The following SLC44A1 variants were observed in gnomAD, a reference collection of about 807,000 sequenced individuals.
SLC44A1 encodes the protein solute carrier family 44 member 1.
In SLC44A1, 26 loss-of-function variants were observed where a neutral mutation model predicts 79.3. The ratio of observed to expected loss-of-function variants is 0.33; its 90% CI spans 0.24 to 0.46. The LOEUF (loss-of-function observed/expected upper bound fraction) is 0.46, where lower values mean the gene tolerates loss of function less well. Ranked by LOEUF, SLC44A1 falls within the 20% of genes least tolerant of loss-of-function variation. The probability of loss-of-function intolerance (pLI) is 1.00; values close to 1 mark genes in which losing one functional copy is unlikely to be tolerated. For missense variants in SLC44A1, 688 were observed against 798.1 expected (o/e 0.86, Z 1.66); for synonymous variants, 263 against 286.2 (o/e 0.92, Z 0.82).
At position 105,397,230 on chromosome 9, in the gene SLC44A1, A is replaced by T; in HGVS notation, c.*8174A>T. On this transcript the variant is annotated 3_prime_UTR_variant, in exon 16 of 16. Coordinates refer to ENST00000374720, the MANE Select transcript of SLC44A1 (RefSeq NM_080546.5). ...GAACTAGAAAGAAAAGTGCTGATCT[A>T]ATGCTAAGTTTTCTCTGTGTACTGA... 5.1e-6 allele frequency: 5 copies of T among 985,378 alleles called. No individual in the cohort carries two copies. The highest frequency in any genetic ancestry group is 6.0e-6 in the Non-Finnish European group (5 of 829,902). The allele number at this position is 985,378 out of a possible 1,614,324, so 61.0% of individuals were successfully genotyped here. A position where few individuals can be genotyped will look rare whatever the true frequency, so the allele number is the denominator to read the frequency against.
chr9:105,415,902 T>A (rs1041566274), intron 15 of SLC44A1, among the ~76,000 whole-genome samples: 9 of 144,746 alleles, frequency 6.2e-5, no homozygotes, highest in Admixed American at 5.4e-4. Context: ...CTGAATTTTT[T>A]TTTTTTTTTT....
chr9:105,253,656 T>A (rs528044932), intron 1 of SLC44A1, among the ~76,000 whole-genome samples: 1 of 152,284 alleles, frequency 6.6e-6, no homozygotes, highest in African/African-American at 2.4e-5. Context: ...ATCTCTTGAG[T>A]CTGGGAGGTT....
chr9:105,280,230 C>T (rs1210940003), intron 1 of SLC44A1, among the ~76,000 whole-genome samples: 1 of 152,148 alleles, frequency 6.6e-6, no homozygotes, highest in Admixed American at 6.5e-5. Context: ...CACTGTGTTG[C>T]AGTTTAGCAA....
In SLC44A1 at chr9:105,392,302, A is replaced by G. The variant is rs1190792110; in HGVS notation, c.*3246A>G. The G allele has an allele frequency of 1.0e-6, 1 of 984,632 alleles. No individual in the cohort carries two copies. The highest frequency in any genetic ancestry group is 1.2e-6 in the Non-Finnish European group (1 of 829,378). The allele number at this position is 984,632 out of a possible 1,614,324, so 61.0% of individuals were successfully genotyped here. ...TAGCTTAACTGTATGTTGGTACCCAAACTTTTTCTATAATGGTTAAGGAGG... is the reference window on the plus strand; with the variant it reads ...TAGCTTAACTGTATGTTGGTACCCAGACTTTTTCTATAATGGTTAAGGAGG... On this transcript the variant is annotated 3_prime_UTR_variant, in exon 16 of 16. Coordinates refer to ENST00000374720, the MANE Select transcript of SLC44A1 (RefSeq NM_080546.5).
At chr9:105,436,879 C>A (rs918363576) in intron 15 of SLC44A1, among the ~76,000 whole-genome samples, 19 of 152,138 alleles carry the variant, frequency 1.2e-4, no homozygotes, top group Admixed American at 1.2e-3. Context: ...CTGTTTTAAG[C>A]ACCTGGAGAC....
Position 105,391,747 on chromosome 9 carries a change from A to C in SLC44A1, c.*2691A>C, listed in dbSNP as rs1288039601. ...CGCTCACTGCTTCCATCTTCTGCCC[A>C]AGTGAGAAGAATAGATGAAGAACAG... is the stretch of plus-strand genomic sequence containing the variant. On this transcript the variant is annotated 3_prime_UTR_variant, in exon 16 of 16. Coordinates refer to ENST00000374720, the MANE Select transcript of SLC44A1 (RefSeq NM_080546.5). 1.0e-6 allele frequency: 1 copy of C among 985,220 alleles called. No homozygotes were observed. Among genetic ancestry groups the C allele is most frequent in the African/African-American group, 1.7e-5 (1 of 57,218 alleles). 61.0% of individuals were successfully genotyped at this position (985,220 alleles called of 1,614,324 possible).
intron 2 of SLC44A1, among the ~76,000 whole-genome samples, chr9:105,303,511 T>C (rs7033929): frequency 0.042 from 6,346 of 152,268 alleles, 450 homozygotes; most frequent in African/African-American, 0.14. Context: ...CTGCTTACTA[T>C]GAGCTAGACA....
rs556379347 is a variant in SLC44A1, at chr9:105,416,910, A to G, written c.1951-21371A>G. Among the ~76,000 whole-genome samples the G allele has an allele frequency of 1.0e-3, 152 of 152,358 alleles. 1 individual carries two copies. The highest frequency in any genetic ancestry group is 3.5e-3 in the African/African-American group (144 of 41,574). ...AAACTGAGTCAAAAGGCCTAAGATT[A>G]TATCTATTAATTGAGAATTTCATGC... On this transcript the variant is annotated intron_variant, in intron 15 of 15. Transcript: ENST00000374724.
At chr9:105,414,969 T>G (rs1036294175) in intron 15 of SLC44A1, among the ~76,000 whole-genome samples, 10 of 151,696 alleles carry the variant, frequency 6.6e-5, no homozygotes, top group African/African-American at 2.4e-4. Flanking sequence ...CCTCTCAGAG[T>G]GGAAGCCAGG....
intron 15 of SLC44A1, among the ~76,000 whole-genome samples, chr9:105,403,136 C>G (rs779238446): frequency 6.6e-6 from 1 of 151,860 alleles, no homozygotes; most frequent in African/African-American, 2.4e-5. Context: ...GATTATTAAA[C>G]TAAAAATATA....
chr9:105,288,124 A>G (rs972009641), intron 1 of SLC44A1, among the ~76,000 whole-genome samples: 3 of 152,180 alleles, frequency 2.0e-5, no homozygotes, highest in Non-Finnish European at 4.4e-5. Flanking sequence ...TCTCCTTTGC[A>G]TATTTGTATA....
At chr9:105,309,617 C>A in intron 2 of SLC44A1, 107 bp from the exon 3 acceptor site, 1 of 948,088 alleles carries the variant, frequency 1.1e-6, no homozygotes, top group Non-Finnish European at 1.6e-6. Flanking sequence ...GAAAAGATAG[C>A]TCTTTGTTCC....
At chr9:105,300,017 G>A in intron 2 of SLC44A1, 3 of 794,376 alleles carry the variant, frequency 3.8e-6, no homozygotes, top group Non-Finnish European at 4.6e-6. Flanking sequence ...TGGCATTAGA[G>A]TCCCTGCCAG....
intron 5 of SLC44A1, among the ~76,000 whole-genome samples, chr9:105,354,964 C>G (rs1393636956): frequency 6.6e-6 from 1 of 152,158 alleles, no homozygotes; most frequent in Non-Finnish European, 1.5e-5. Context: ...AATATAGTGC[C>G]AACCAAGACT....
downstream of SLC44A1, among the ~76,000 whole-genome samples, chr9:105,400,318 G>A (rs1215660176): frequency 1.2e-4 from 18 of 151,472 alleles, no homozygotes; most frequent in Non-Finnish European, 1.9e-4. Context: ...GTGAAACCCC[G>A]TCTCTACTAA....
intron 13 of SLC44A1, among the ~76,000 whole-genome samples, chr9:105,378,422 T>C (rs548751560): frequency 3.3e-5 from 5 of 152,352 alleles, no homozygotes; most frequent in African/African-American, 9.6e-5. Context: ...ACAGTTGAGC[T>C]GTGCTCAATT....
chr9:105,356,173 A>G, intron 5 of SLC44A1, 39 bp from the exon 6 acceptor site: 1 of 1,525,726 alleles, frequency 6.6e-7, no homozygotes, highest in Non-Finnish European at 9.1e-7. Flanking sequence ...ATTAAGTAGG[A>G]GTAATTTTTT....
chr9:105,334,509 C>T (rs1826850949), intron 3 of SLC44A1, among the ~76,000 whole-genome samples: 1 of 152,098 alleles, frequency 6.6e-6, no homozygotes, highest in Admixed American at 6.5e-5. Flanking sequence ...TGCATAGCAA[C>T]AGAGTTTAAC....
Position 105,390,226 on chromosome 9 carries a change from T to C in SLC44A1, c.*1170T>C, listed in dbSNP as rs1015851294. On this transcript the variant is annotated 3_prime_UTR_variant, in exon 16 of 16. Transcript: ENST00000374720. ...ATTCCTGAAGCTTACCAGATATGAA[T>C]GGCTAATACTCCATTGTTCTGCTTG... The C allele has an allele frequency of 4.2e-5, 46 of 1,107,248 alleles. No individual in the cohort carries two copies. Among genetic ancestry groups the C allele is most frequent in the Admixed American group, 3.0e-4 (6 of 20,172 alleles). 68.6% of individuals were successfully genotyped at this position (1,107,248 alleles called of 1,614,324 possible).
Sources: gnomAD v4.1 joint callset for allele counts (sites outside exome capture counted in the v4.1 genomes callset) on GRCh38, gnomAD v4.1.1 for gene constraint, MANE v1.5 for transcripts, NCBI Gene and HGNC (gene_info 2026-07-23, HGNC 2026-07-21) for gene names.